SCGB2B2: variants seen among roughly 807,000 people sequenced by gnomAD.
SCGB2B2 encodes the protein secretoglobin-like protein.
A neutral mutation model predicts 7.6 loss-of-function variants in SCGB2B2; 11 were observed. The observed-to-expected ratio is 1.45, with a 90% CI of 0.91 to 2.40. The LOEUF is 2.40. SCGB2B2 is among the 30% of genes most tolerant of loss of function. The pLI is 0.00. For synonymous variants in SCGB2B2, 50 were observed against 48.6 expected, an observed-to-expected ratio of 1.03 and a Z score of -0.12; for missense variants, 104 against 115.4, an observed-to-expected ratio of 0.90 and a Z score of 0.45.
chr19:34,603,532 C>T (rs1600040541), intron 1 of SCGB2B2, among the ~76,000 whole-genome samples: 1 of 152,258 alleles, frequency 6.6e-6, no homozygotes. Context: ...ATAAACAATG[C>T]CTGAAATGCA....
rs552787512 is a variant in SCGB2B2, at chr19:34,597,341, T to C, written c.-2031-747A>G. Among the ~76,000 whole-genome samples the C allele has an allele frequency of 2.6e-5, 4 of 150,962 alleles. No individual in the cohort carries two copies. The South Asian group carries it at 8.4e-4, about 32-fold the overall frequency. On this transcript the variant is annotated intron_variant, in intron 1 of 3. Transcript: ENST00000601241. ...ACATGACCAGATCGTGCACTTTCTA[T>C]GCCAGGGCCAGGGCAAGCTTGCACT...
At chr19:34,621,280 G>A (rs1463142984) in intron 1 of SCGB2B2, among the ~76,000 whole-genome samples, 1 of 152,084 alleles carries the variant, frequency 6.6e-6, no homozygotes, top group Non-Finnish European at 1.5e-5. Flanking sequence ...TTGGCCTCAG[G>A]GTGGAGCTCT....
At chr19:34,616,074 A>C (rs111264350) in intron 1 of SCGB2B2, among the ~76,000 whole-genome samples, 14,132 of 149,168 alleles carry the variant, frequency 0.095, 778 homozygotes, top group South Asian at 0.19. Flanking sequence ...ACATTTTCTT[A>C]ATCCAGTCTA....
At chr19:34,609,097 T>G (rs1312710124) in intron 1 of SCGB2B2, among the ~76,000 whole-genome samples, 1 of 152,130 alleles carries the variant, frequency 6.6e-6, no homozygotes, top group Admixed American at 6.6e-5. Flanking sequence ...GAAAAATACC[T>G]GTTGACCATT....
intron 1 of SCGB2B2, chr19:34,608,581 A>G (rs1203639744): frequency 2.0e-5 from 3 of 149,800 alleles, no homozygotes; most frequent in Non-Finnish European, 3.0e-5. Context: ...CTTACTTCAC[A>G]TAACACAATG....
intron 1 of SCGB2B2, among the ~76,000 whole-genome samples, chr19:34,598,743 CTG>C (rs143065076): frequency 0.075 from 11,337 of 151,362 alleles, 599 homozygotes; most frequent in South Asian, 0.19. Context: ...CCTGGCCTCT[CTG>C]TGGCTGAGAC....
At chr19:34,630,895 A>G (rs1290105434) in intron 1 of SCGB2B2, among the ~76,000 whole-genome samples, 5 of 151,996 alleles carry the variant, frequency 3.3e-5, no homozygotes, top group Admixed American at 2.0e-4. Context: ...CTGGATTAAG[A>G]AAATGTGGCA....
At chr19:34,637,279 G>A (rs183286558) in intron 1 of SCGB2B2, among the ~76,000 whole-genome samples, 204 of 152,282 alleles carry the variant, frequency 1.3e-3, no homozygotes, top group African/African-American at 4.7e-3. Flanking sequence ...AAGGCCTTAG[G>A]GCACCAGGTA....
intron 1 of SCGB2B2, among the ~76,000 whole-genome samples, chr19:34,651,442 G>A (rs1216458169): frequency 2.7e-5 from 4 of 150,900 alleles, no homozygotes; most frequent in African/African-American, 9.9e-5. Context: ...TAAAGATGAA[G>A]GATACAAAAT....
rs932167923 is a variant in SCGB2B2 at position 34,591,462 on chromosome 19, T to C, written c.*2093A>G. Among the ~76,000 whole-genome samples the C allele has an allele frequency of 3.9e-5, 6 of 152,184 alleles. No homozygotes were observed. Among genetic ancestry groups the C allele is most frequent in the South Asian group, 2.1e-4 (1 of 4,820 alleles). ...TGTCTACCTGGACGGCCACAGGGAC[T>C]CCCAGTTGGTCTTCCTGCCTCTACT... On this transcript the variant is annotated 3_prime_UTR_variant, in exon 4 of 4. Coordinates refer to ENST00000601241, the MANE Select transcript of SCGB2B2 (RefSeq NM_001025591.4).
At chr19:34,629,269 G>A (rs2066463029) in intron 1 of SCGB2B2, among the ~76,000 whole-genome samples, 1 of 151,912 alleles carries the variant, frequency 6.6e-6, no homozygotes, top group Admixed American at 6.6e-5. Context: ...GTTCTGGCCA[G>A]GGCAATCAGG....
chr19:34,645,984 C>T (rs895565693), intron 1 of SCGB2B2: 2 of 329,864 alleles, frequency 6.1e-6, no homozygotes, highest in Non-Finnish European at 1.2e-5. Context: ...CCCCAGCCCC[C>T]TGACAGAGGA....
chr19:34,587,012 A>G (rs1211887742), downstream of SCGB2B2, among the ~76,000 whole-genome samples: 2 of 152,052 alleles, frequency 1.3e-5, no homozygotes, highest in Non-Finnish European at 2.9e-5. Context: ...GGTTCAAGCG[A>G]TTCTCCTGTC....
Position 34,591,071 on chromosome 19 carries a change from TG to T in SCGB2B2, c.*2483del, listed in dbSNP as rs2065285711. Among the ~76,000 whole-genome samples the T allele has an allele frequency of 6.6e-6, 1 of 152,216 alleles. No individual in the cohort carries two copies. Among genetic ancestry groups the T allele is most frequent in the Non-Finnish European group, 1.5e-5 (1 of 68,046 alleles). On this transcript the variant is annotated 3_prime_UTR_variant, in exon 4 of 4. Coordinates refer to ENST00000601241, the MANE Select transcript of SCGB2B2 (RefSeq NM_001025591.4). ...TCCACAGATTTAAATTCCATTGAAA[TG>T]CTGAAATTTACATGTTTTTGTCTCC... is the stretch of plus-strand genomic sequence containing the variant.
At chr19:34,656,601 T>A (rs2067289928) in intron 1 of SCGB2B2, among the ~76,000 whole-genome samples, 1 of 151,150 alleles carries the variant, frequency 6.6e-6, no homozygotes, top group Non-Finnish European at 1.5e-5. Flanking sequence ...CAACCTTGTC[T>A]CAAAGAAAAT....
intron 1 of SCGB2B2, among the ~76,000 whole-genome samples, chr19:34,670,267 A>G (rs556852409): frequency 2.6e-5 from 4 of 152,226 alleles, no homozygotes; most frequent in Non-Finnish European, 5.9e-5. Flanking sequence ...AATAAAAAGC[A>G]TAATTACACC....
At position 34,594,333 on chromosome 19, in the gene SCGB2B2, G is replaced by A; in HGVS notation, c.88C>T (p.Leu30=). 6.2e-7 allele frequency: 1 copy of A among 1,614,152 alleles called. No homozygotes were observed. Among genetic ancestry groups the A allele is most frequent in the Non-Finnish European group, 8.5e-7 (1 of 1,180,014 alleles). Residue 30 remains leucine (L), a synonymous_variant, in exon 3 of 4, where the codon CTG becomes TTG. Coordinates refer to ENST00000601241, the MANE Select transcript of SCGB2B2 (RefSeq NM_001025591.4). ...ACATCAAACACAACATTCGCAAGCA[G>A]TTTATCGATATCCAGGCAGGCATCC... ...LGDACLDIDK[L]LANVVFDVSQ...
intron 1 of SCGB2B2, among the ~76,000 whole-genome samples, chr19:34,656,855 G>T (rs182227823): frequency 1.1e-4 from 17 of 150,874 alleles, no homozygotes; most frequent in African/African-American, 3.5e-4. Context: ...GCAAAAGAAA[G>T]AAACAAGCAA....
intron 1 of SCGB2B2, chr19:34,637,594 CA>C (rs1355135391): frequency 5.9e-6 from 1 of 168,344 alleles, no homozygotes; most frequent in African/African-American, 2.4e-5. Context: ...CATCATGAGA[CA>C]GGCAAAATCA....
Sources: gnomAD v4.1 joint callset for allele counts (sites outside exome capture counted in the v4.1 genomes callset) on GRCh38, gnomAD v4.1.1 for gene constraint, MANE v1.5 for transcripts, NCBI Gene and HGNC (gene_info 2026-07-23, HGNC 2026-07-21) for gene names.